TMEM45A: variants seen among roughly 807,000 people sequenced by gnomAD.
TMEM45A encodes the protein transmembrane protein 45A, also known as DNA polymerase-transactivated protein 4.
In TMEM45A, 25 loss-of-function variants were observed where a neutral mutation model predicts 32.0. The ratio of observed to expected loss-of-function variants is 0.78; its 90% CI spans 0.57 to 1.09. The LOEUF (loss-of-function observed/expected upper bound fraction) is 1.09, where lower values mean the gene tolerates loss of function less well. Among genes scored for constraint, TMEM45A ranks in the 50% least tolerant of loss-of-function variants. TMEM45A has a pLI of 0.00. For synonymous variants in TMEM45A, 122 were observed against 114.8 expected (o/e 1.06, Z -0.40); for missense variants, 302 against 325.0 (o/e 0.93, Z 0.54).
At chr3:100,562,352 T>C (rs1019528431) in intron 4 of TMEM45A, among the ~76,000 whole-genome samples, 9 of 152,210 alleles carry the variant, frequency 5.9e-5, no homozygotes, top group African/African-American at 2.2e-4. Flanking sequence ...GCTTTCCTAA[T>C]TTATTCGTGT....
intron 1 of TMEM45A, 29 bp from the exon 2 acceptor site, chr3:100,555,180 T>C: frequency 6.4e-7 from 1 of 1,564,826 alleles, no homozygotes; most frequent in Non-Finnish European, 8.7e-7. Flanking sequence ...GAAATGTCTT[T>C]TACTTTCTGT....
intron 1 of TMEM45A, among the ~76,000 whole-genome samples, chr3:100,525,062 C>A (rs1705514321): frequency 1.3e-5 from 2 of 151,918 alleles, no homozygotes; most frequent in Non-Finnish European, 2.9e-5. Context: ...GCAATGTGTG[C>A]CTGTAGTCCT....
At chr3:100,516,760 C>T (rs1708268391) in intron 1 of TMEM45A, among the ~76,000 whole-genome samples, 1 of 151,990 alleles carries the variant, frequency 6.6e-6, no homozygotes. Flanking sequence ...CTTACGGGAT[C>T]CTTCTTCAAT....
chr3:100,511,173 A>G (rs901303254), intron 1 of TMEM45A, among the ~76,000 whole-genome samples: 5 of 151,806 alleles, frequency 3.3e-5, no homozygotes, highest in Non-Finnish European at 7.4e-5. Flanking sequence ...CATAATTGTC[A>G]GATTCACCAA....
At chr3:100,576,489 A>C (rs1004861792) in intron 5 of TMEM45A, among the ~76,000 whole-genome samples, 2 of 151,650 alleles carry the variant, frequency 1.3e-5, no homozygotes, top group Non-Finnish European at 2.9e-5. Flanking sequence ...GTGTGATGAT[A>C]CATGCCTCTA....
intron 1 of TMEM45A, among the ~76,000 whole-genome samples, chr3:100,544,130 A>C (rs72926203): frequency 0.036 from 5,443 of 151,834 alleles, 322 homozygotes; most frequent in African/African-American, 0.12. Flanking sequence ...GCTTTTGTAC[A>C]TGATAAAAGT....
At chr3:100,559,639 G>T (rs1410134513) in intron 4 of TMEM45A, among the ~76,000 whole-genome samples, 2 of 151,858 alleles carry the variant, frequency 1.3e-5, no homozygotes, top group Non-Finnish European at 1.5e-5. Flanking sequence ...TATATCTCTT[G>T]CTTGGAATGT....
chr3:100,527,078 G>A (rs955534723), intron 1 of TMEM45A, among the ~76,000 whole-genome samples: 7 of 152,160 alleles, frequency 4.6e-5, no homozygotes, highest in Non-Finnish European at 7.3e-5. Flanking sequence ...CATCAGGAAT[G>A]ACTGAGCAAG....
At chr3:100,520,645 GT>G (rs1305888597) in intron 1 of TMEM45A, among the ~76,000 whole-genome samples, 1 of 152,124 alleles carries the variant, frequency 6.6e-6, no homozygotes, top group Non-Finnish European at 1.5e-5. Context: ...GCTAAGTATA[GT>G]CCCTTGTAGG....
intron 4 of TMEM45A, among the ~76,000 whole-genome samples, chr3:100,565,101 G>A (rs767836500): frequency 4.0e-4 from 61 of 152,150 alleles, no homozygotes; most frequent in Non-Finnish European, 6.6e-4. Flanking sequence ...TACCATAGTC[G>A]TTCAGCCATT....
chr3:100,573,864 G>C (rs1706625720), intron 5 of TMEM45A: 1 of 152,144 alleles, frequency 6.6e-6, no homozygotes, highest in Non-Finnish European at 1.5e-5. Context: ...TAATCATGTG[G>C]TTTTTGTCGT....
chr3:100,505,098 C>G (rs565048051), intron 1 of TMEM45A, among the ~76,000 whole-genome samples: 23 of 152,156 alleles, frequency 1.5e-4, no homozygotes, highest in Non-Finnish European at 2.9e-4. Flanking sequence ...GGGAGTGTGG[C>G]TACCATTGCT....
chr3:100,541,258 C>T (rs963086315), intron 1 of TMEM45A, among the ~76,000 whole-genome samples: 6 of 151,916 alleles, frequency 3.9e-5, no homozygotes, highest in East Asian at 1.9e-4. Flanking sequence ...TGTGAAAATT[C>T]GCTCCCATTC....
intron 4 of TMEM45A, among the ~76,000 whole-genome samples, chr3:100,564,606 C>T (rs1292314079): frequency 6.6e-6 from 1 of 152,070 alleles, no homozygotes; most frequent in Non-Finnish European, 1.5e-5. Context: ...GCCTCAGTCT[C>T]CCAAGAGCTG....
At chr3:100,518,131 A>G (rs1331618543) in intron 1 of TMEM45A, among the ~76,000 whole-genome samples, 1 of 152,248 alleles carries the variant, frequency 6.6e-6, no homozygotes, top group East Asian at 1.9e-4. Flanking sequence ...AAAGGAAGCC[A>G]TTCTTCTCAA....
chr3:100,574,383 T>C (rs1449824579), intron 5 of TMEM45A: 1 of 152,048 alleles, frequency 6.6e-6, no homozygotes, highest in Non-Finnish European at 1.5e-5. Flanking sequence ...TGTATGCAAA[T>C]AAACTAGAAA....
intron 1 of TMEM45A, among the ~76,000 whole-genome samples, chr3:100,523,503 C>T (rs1384924277): frequency 6.6e-6 from 1 of 152,200 alleles, no homozygotes; most frequent in African/African-American, 2.4e-5. Context: ...AAGAAGTAAA[C>T]AATTATGATA....
At chr3:100,500,438 A>C (rs1232321439) in intron 1 of TMEM45A, among the ~76,000 whole-genome samples, 1 of 151,656 alleles carries the variant, frequency 6.6e-6, no homozygotes, top group East Asian at 1.9e-4. Context: ...TTTTTCTATA[A>C]CACGTAACAG....
At chr3:100,551,916 T>G (rs1706112917) in intron 1 of TMEM45A, among the ~76,000 whole-genome samples, 1 of 152,092 alleles carries the variant, frequency 6.6e-6, no homozygotes, top group African/African-American at 2.4e-5. Context: ...CCTCCACTAT[T>G]CCCCATTGCC....
Sources: gnomAD v4.1 joint callset for allele counts (sites outside exome capture counted in the v4.1 genomes callset) on GRCh38, gnomAD v4.1.1 for gene constraint, MANE v1.5 for transcripts, NCBI Gene and HGNC (gene_info 2026-07-23, HGNC 2026-07-21) for gene names.